Variants in DDX27 observed in about 807,000 individuals in gnomAD.
The protein encoded by DDX27 is probable ATP-dependent RNA helicase DDX27.
A neutral mutation model predicts 99.3 loss-of-function variants in DDX27; 42 were observed. The observed-to-expected ratio is 0.42, with a 90% CI of 0.33 to 0.55. DDX27 has a LOEUF of 0.55. DDX27 is among the 20% of genes least tolerant of loss of function. The pLI is 0.07. For missense variants in DDX27, 798 were observed against 976.8 expected, an observed-to-expected ratio of 0.82 and a Z score of 2.44; for synonymous variants, 329 against 353.8, an observed-to-expected ratio of 0.93 and a Z score of 0.79.
intron 16 of DDX27, among the ~76,000 whole-genome samples, chr20:49,239,721 C>A (rs773690195): frequency 6.6e-6 from 1 of 152,178 alleles, no homozygotes; most frequent in South Asian, 2.1e-4. Flanking sequence ...TTGGGGACCA[C>A]TGTTGTAAAG....
chr20:49,234,445 G>A (rs1196025599), intron 11 of DDX27: 1 of 151,836 alleles, frequency 6.6e-6, no homozygotes, highest in Non-Finnish European at 1.5e-5. Flanking sequence ...TGTATTTTTA[G>A]TAGAGATGGG....
rs1980260536 is a variant in DDX27, at chr20:49,235,108, C to T, written c.1427+20C>T. The T allele has an allele frequency of 1.3e-6, 2 of 1,575,320 alleles. No individual in the cohort carries two copies. Among genetic ancestry groups the T allele is most frequent in the Admixed American group, 1.8e-5 (1 of 54,146 alleles). On this transcript the variant is annotated intron_variant, in intron 12 of 20. Coordinates refer to ENST00000618172, the MANE Select transcript of DDX27 (RefSeq NM_017895.8). ...CCTCCGGTAACATTTGGGGTGGGGA[C>T]TGAGGCTCCCACCATCCTTCTGGGG...
intron 9 of DDX27, 107 bp downstream of exon 9, chr20:49,230,456 G>C (rs1980067409): frequency 7.5e-7 from 1 of 1,335,798 alleles, no homozygotes. Context: ...GGCCATGGCT[G>C]TTGGTGTGCG....
chr20:49,219,833 G>A (rs989112645), intron 1 of DDX27, among the ~76,000 whole-genome samples: 2 of 152,102 alleles, frequency 1.3e-5, no homozygotes, highest in Non-Finnish European at 2.9e-5. Context: ...CTTACACCTT[G>A]TAAGAGGTGA....
rs1259891602 is a variant in DDX27, at chr20:49,223,356, A to G, written c.389A>G (p.Asn130Ser). The G allele has an allele frequency of 2.0e-5, 33 of 1,613,988 alleles. No homozygotes were observed. Among genetic ancestry groups the G allele is most frequent in the Non-Finnish European group, 2.8e-5 (33 of 1,179,998 alleles). ...EPKEQEDLQE[N>S]DEEGSEDEAS... is the part of the protein sequence containing the mutation. ...AAGGAGCAGGAAGACCTTCAAGAGA[A>G]TGATGAGGAAGGCTCAGAAGATGAA... The change falls in exon 4 of 21, where the codon AAT (asparagine) becomes AGT (serine). Residue 130 changes from asparagine (N) to serine (S), a missense_variant. Around this residue, in one of 2 missense-constraint regions of DDX27, gnomAD observed 245 missense variants for 248.8 expected, o/e 0.98. Coordinates refer to ENST00000618172, the MANE Select transcript of DDX27 (RefSeq NM_017895.8).
At position 49,221,545 on chromosome 20, in the gene DDX27, A is replaced by G. The variant is rs960545926; in HGVS notation, c.187A>G (p.Thr63Ala). 1.2e-6 allele frequency: 2 copies of G among 1,613,228 alleles called. No homozygotes were observed. Among genetic ancestry groups the G allele is most frequent in the African/African-American group, 2.7e-5 (2 of 74,852 alleles). ...TTTCGTTTTCACTGAGAAGGAGGGGACGTACGATGGCAGCTGGGCCCTGGC... is the reference window on the plus strand; with the variant it reads ...TTTCGTTTTCACTGAGAAGGAGGGGGCGTACGATGGCAGCTGGGCCCTGGC... The part of the protein sequence containing the change: ...PDFVFTEKEG[T>A]YDGSWALADV... The change falls in exon 2 of 21, where the codon ACG becomes GCG. Residue 63 changes from threonine (T) to alanine (A), a missense_variant. By Grantham distance (58) the Thr-to-Ala change is moderately conservative. Transcript: ENST00000618172.
chr20:49,234,816 G>T, intron 11 of DDX27, 119 bp from the exon 12 acceptor site: 1 of 1,243,724 alleles, frequency 8.0e-7, no homozygotes, highest in East Asian at 2.6e-5. Context: ...CCACAGGACA[G>T]GGACAGTGCC....
At chr20:49,224,356 T>C (rs1340675869) in intron 4 of DDX27, among the ~76,000 whole-genome samples, 1 of 76,390 alleles carries the variant, frequency 1.3e-5, no homozygotes, top group Non-Finnish European at 3.2e-5. Context: ...CAATAAGTAT[T>C]TCTTTCTTTC....
intron 19 of DDX27, among the ~76,000 whole-genome samples, chr20:49,243,139 C>A (rs187628831): frequency 9.7e-4 from 147 of 152,268 alleles, no homozygotes; most frequent in Middle Eastern, 3.4e-3. Flanking sequence ...CTCCACCCCC[C>A]ACCCCTCTCA....
chr20:49,242,482 G>A (rs1014474895), intron 18 of DDX27, 112 bp from the exon 19 acceptor site: 3 of 1,148,100 alleles, frequency 2.6e-6, no homozygotes, highest in Non-Finnish European at 2.5e-6. Context: ...AATGAAAATA[G>A]TCTTTGGATG....
chr20:49,238,698 C>G, intron 14 of DDX27: 1 of 477,888 alleles, frequency 2.1e-6, no homozygotes, highest in South Asian at 2.5e-5. Flanking sequence ...AAACTCCTGA[C>G]CTCAGGTGAT....
At chr20:49,230,707 A>G (rs971133198) in intron 9 of DDX27, among the ~76,000 whole-genome samples, 1 of 152,204 alleles carries the variant, frequency 6.6e-6, no homozygotes, top group Non-Finnish European at 1.5e-5. Context: ...AGGAAGAGGA[A>G]GTGCCAGCGT....
At chr20:49,234,645 C>CTTCCCA (rs1980245198) in intron 11 of DDX27, 1 of 278,498 alleles carries the variant, frequency 3.6e-6, no homozygotes, top group African/African-American at 2.2e-5. Context: ...GAATCTTCCC[C>CTTCCCA]TGGATCTTCC....
intron 9 of DDX27, among the ~76,000 whole-genome samples, chr20:49,231,972 C>T (rs1815367396): frequency 6.6e-6 from 1 of 150,866 alleles, no homozygotes; most frequent in Non-Finnish European, 1.5e-5. Flanking sequence ...GCAGCCTCTA[C>T]TTCCTAGACT....
intron 1 of DDX27, among the ~76,000 whole-genome samples, chr20:49,220,735 T>C (rs1979631205): frequency 6.6e-6 from 1 of 152,062 alleles, no homozygotes; most frequent in Admixed American, 6.6e-5. Flanking sequence ...CAGTGCCCGG[T>C]CACACCCATG....
At chr20:49,221,284 C>T (rs533252072) in intron 1 of DDX27, among the ~76,000 whole-genome samples, 168 bp from the exon 2 acceptor site, 3 of 152,014 alleles carry the variant, frequency 2.0e-5, no homozygotes, top group Non-Finnish European at 4.4e-5. Context: ...GTAGAGACTG[C>T]GTTTCATCAT....
chr20:49,242,771 G>A (rs1831915294), intron 19 of DDX27, 90 bp downstream of exon 19: 2 of 1,185,968 alleles, frequency 1.7e-6, no homozygotes, highest in Admixed American at 2.1e-5. Context: ...CGCCCAGGGT[G>A]GAGTGCAGTG....
At chr20:49,232,611 A>G (rs1980149090) in intron 9 of DDX27, among the ~76,000 whole-genome samples, 1 of 151,926 alleles carries the variant, frequency 6.6e-6, no homozygotes, top group Non-Finnish European at 1.5e-5. Context: ...AAAATACAAA[A>G]ATATTAGCCG....
chr20:49,229,179 C>T (rs948759235), intron 8 of DDX27, among the ~76,000 whole-genome samples: 11 of 151,974 alleles, frequency 7.2e-5, no homozygotes, highest in South Asian at 2.1e-4. Flanking sequence ...CTGGGACTAC[C>T]GCCACCACGC....
Sources: gnomAD v4.1 joint callset for allele counts (sites outside exome capture counted in the v4.1 genomes callset) on GRCh38, gnomAD v4.1.1 for gene constraint, gnomAD v4.1.1 regional missense constraint, MANE v1.5 for transcripts, NCBI Gene and HGNC (gene_info 2026-07-23, HGNC 2026-07-21) for gene names.